ISM2: variants seen among roughly 807,000 people sequenced by gnomAD.
The protein encoded by ISM2 is isthmin-2.
Under a neutral mutation model 58.0 loss-of-function variants are expected in ISM2, and 50 were observed. The observed-to-expected ratio is 0.86, with a 90% CI of 0.69 to 1.09. The LOEUF is 1.09. Ranked by LOEUF, ISM2 falls within the 50% of genes least tolerant of loss-of-function variation. The pLI is 0.00. For synonymous variants in ISM2, 303 were observed against 312.4 expected (o/e 0.97, Z 0.32); for missense variants, 723 against 745.0 (o/e 0.97, Z 0.34).
chr14:77,475,461 C>G lies in ISM2; in HGVS notation c.*134G>C. ...TTCGGGGTCGCTGGCAGAGGGCACA[C>G]AGCCTCGGACCAACCTCACTGGGGG... is the stretch of plus-strand genomic sequence containing the variant. On this transcript the variant is annotated 3_prime_UTR_variant, in exon 7 of 7. Transcript: ENST00000342219. The surrounding 1 kb of genome is among the most constrained non-coding windows in gnomAD (Gnocchi z 4.1). 1 of 913,522 alleles carries G rather than the reference C, an allele frequency of 1.1e-6. No individual in the cohort carries two copies. Among genetic ancestry groups the G allele is most frequent in the South Asian group, 1.8e-5 (1 of 54,526 alleles). 56.6% of individuals were successfully genotyped at this position (913,522 alleles called of 1,614,324 possible). A position where few individuals can be genotyped will look rare whatever the true frequency, so the allele number is the denominator to read the frequency against.
chr14:77,476,005 C>T lies in ISM2; in HGVS notation c.1306G>A (p.Glu436Lys). Residue 436 changes from glutamate (E) to lysine (K), a missense_variant, in exon 7 of 7, where the codon GAG (glutamate) becomes AAG (lysine). Glu to Lys is a moderately conservative substitution (Grantham distance 56). Transcript: ENST00000342219. ...LPSCPCAYPL[E>K]AMDSPVSLQD... Reference sequence around the variant, plus strand: ...AGGCTCACAGGGCTGTCCATGGCCTCCAGTGGGTAGGCACACGGGCAGCTG... The same window carrying T: ...AGGCTCACAGGGCTGTCCATGGCCTTCAGTGGGTAGGCACACGGGCAGCTG... The T allele has an allele frequency of 6.3e-7, 1 of 1,586,104 alleles. No individual in the cohort carries two copies. The highest frequency in any genetic ancestry group is 8.5e-7 in the Non-Finnish European group (1 of 1,170,088).
At chr14:77,485,282 C>G (rs2079161088) in intron 1 of ISM2, among the ~76,000 whole-genome samples, 1 of 152,224 alleles carries the variant, frequency 6.6e-6, no homozygotes, top group Admixed American at 6.5e-5. Flanking sequence ...GACAATGTGC[C>G]TCCCACTCCC....
chr14:77,475,923 T>G lies in ISM2; in HGVS notation c.1388A>C (p.Glu463Ala). ...FRWRDASGPRERLDIYQPTAR... is the reference protein window; with the variant it reads ...FRWRDASGPRARLDIYQPTAR... ...CGTGGGCTGGTAGATGTCCAGGCGCTCGCGAGGGCCACTGGCATCCCTCCA... is the reference window on the plus strand; with the variant it reads ...CGTGGGCTGGTAGATGTCCAGGCGCGCGCGAGGGCCACTGGCATCCCTCCA... Residue 463 changes from glutamate to alanine, a missense_variant, in exon 7 of 7, where the codon GAG (glutamate) becomes GCG (alanine). Physicochemically the swap from Glu to Ala is moderately radical, Grantham distance 107. Transcript: ENST00000342219. This position sits in a 1 kb window ranked among gnomAD's most constrained non-coding sequence, Gnocchi z 4.1. 1 of 1,600,244 alleles carries G rather than the reference T, an allele frequency of 6.2e-7. No individual in the cohort carries two copies. Among genetic ancestry groups the G allele is most frequent in the Middle Eastern group, 1.7e-4 (1 of 6,058 alleles).
At chr14:77,481,200 C>T (rs1268731224) in intron 4 of ISM2, among the ~76,000 whole-genome samples, 2 of 151,904 alleles carry the variant, frequency 1.3e-5, no homozygotes, top group African/African-American at 2.4e-5. Context: ...ATTAGCCAGG[C>T]GTGGTGGTCC....
Position 77,496,353 on chromosome 14 carries a change from T to A in ISM2, c.141+2300A>T, listed in dbSNP as rs142401047. The stretch of plus-strand genomic sequence containing the variant: ...AAAATACAAAATTAGCTGGGTGTGG[T>A]GGCGCATGCCTGTAATCCTAGCTAC... On this transcript the variant is annotated intron_variant, in intron 1 of 6. Transcript: ENST00000342219. Among the ~76,000 whole-genome samples, 48 of 151,978 alleles carry A rather than the reference T, an allele frequency of 3.2e-4. 3 individuals carry two copies. The East Asian group carries it at 9.1e-3, about 29-fold the overall frequency.
intron 1 of ISM2, among the ~76,000 whole-genome samples, chr14:77,486,824 C>T (rs576644958): frequency 2.3e-4 from 35 of 151,146 alleles, no homozygotes; most frequent in African/African-American, 7.3e-4. Context: ...ATTGTCACAG[C>T]TAGAGGAGGT....
intron 1 of ISM2, 96 bp downstream of exon 1, chr14:77,498,553 CTGTG>C (rs1030646608): frequency 5.0e-6 from 7 of 1,393,196 alleles, no homozygotes; most frequent in Non-Finnish European, 6.6e-6. Flanking sequence ...GGGTCGCTGC[CTGTG>C]TGTGTCCCGG....
chr14:77,498,674 C>T lies in ISM2; in HGVS notation c.120G>A (p.Gly40=), dbSNP rs1336411348. The change falls in exon 1 of 7, where the codon GGG becomes GGA. Residue 40 remains glycine (G), a synonymous_variant. Transcript: ENST00000342219. ...TCACCTCTGCGAGCCTCGTGAGGCT[C>T]CCAGGCCGTGGTCCGCGGAGCCGCG... ...KKPRLRGPRP[G]SLTRLAEVSA... is the part of the protein sequence containing the mutation. The T allele has an allele frequency of 2.0e-6, 3 of 1,477,574 alleles. No homozygotes were observed. The highest frequency in any genetic ancestry group is 2.9e-5 in the East Asian group (1 of 34,006). The allele number at this position is 1,477,574 out of a possible 1,614,324, so 91.5% of individuals were successfully genotyped here.
chr14:77,492,515 CCT>C (rs971981373), intron 1 of ISM2, among the ~76,000 whole-genome samples: 12 of 111,318 alleles, frequency 1.1e-4, no homozygotes, highest in South Asian at 7.1e-4. Flanking sequence ...CTGGCCCCAG[CCT>C]TTTTTTTTTT....
At chr14:77,487,243 TTAAA>T (rs35003981) in intron 1 of ISM2, among the ~76,000 whole-genome samples, 48,482 of 143,872 alleles carry the variant, frequency 0.34, 9,535 homozygotes, top group East Asian at 0.77. Flanking sequence ...AGAATCCATC[TTAAA>T]TAAATAAATA....
At position 77,484,314 on chromosome 14, in the gene ISM2, A is replaced by G. The variant is rs2139961905; in HGVS notation, c.627+9T>C. 4.4e-6 allele frequency: 7 copies of G among 1,608,830 alleles called. No homozygotes were observed. In the South Asian group the frequency reaches 5.5e-5, roughly 13 times the overall value. ...TCTGCAGGGCTGCTGGCCCTTCTGT[A>G]GCTCTCACCTGGTTATCAGGGTTAG... On this transcript the variant is annotated intron_variant, in intron 3 of 6. Coordinates refer to ENST00000342219, the MANE Select transcript of ISM2 (RefSeq NM_199296.3).
chr14:77,480,657 A>G (rs2079126642), intron 4 of ISM2, among the ~76,000 whole-genome samples: 1 of 146,702 alleles, frequency 6.8e-6, no homozygotes, highest in African/African-American at 2.5e-5. Flanking sequence ...TCCCAGGCTC[A>G]AGTGATCCTT....
chr14:77,483,645 T>C (rs1055241432), intron 3 of ISM2, among the ~76,000 whole-genome samples: 1 of 150,656 alleles, frequency 6.6e-6, no homozygotes, highest in African/African-American at 2.4e-5. Flanking sequence ...CGTGTGTGCG[T>C]GTGTGTGTGT....
chr14:77,482,445 C>A lies in ISM2; in HGVS notation c.850G>T (p.Asp284Tyr). The A allele has an allele frequency of 6.2e-7, 1 of 1,614,178 alleles. No individual in the cohort carries two copies. Among genetic ancestry groups the A allele is most frequent in the Non-Finnish European group, 8.5e-7 (1 of 1,180,006 alleles). ...DYPSEDIEGEDQEDKEEDEEE... is the reference protein window; with the variant it reads ...DYPSEDIEGEYQEDKEEDEEE... ...TCATCTTCCTCTTTGTCCTCTTGATCCTCACCCTCGATATCCTCTGAAGGA... is the reference window on the plus strand; with the variant it reads ...TCATCTTCCTCTTTGTCCTCTTGATACTCACCCTCGATATCCTCTGAAGGA... The change falls in exon 4 of 7, where the codon GAT becomes TAT. Residue 284 changes from aspartate (D) to tyrosine (Y), a missense_variant. Coordinates refer to ENST00000342219, the MANE Select transcript of ISM2 (RefSeq NM_199296.3).
intron 1 of ISM2, among the ~76,000 whole-genome samples, chr14:77,494,073 G>A (rs376776789): frequency 1.4e-4 from 22 of 152,082 alleles, no homozygotes; most frequent in African/African-American, 4.6e-4. Context: ...CACCGTTCCC[G>A]GCCCTGTGAT....
rs1036719610 is a variant in ISM2, at chr14:77,498,583, G to C, written c.141+70C>G. On this transcript the variant is annotated intron_variant, in intron 1 of 6. Transcript: ENST00000342219. ...TGTGTCCCGGTCCCGCTCCCCGCAC[G>C]GCTGGAGCCGGCGGGCTGGGGAGGT... The C allele has an allele frequency of 2.9e-6, 4 of 1,390,788 alleles. No homozygotes were observed. In the South Asian group the frequency reaches 4.6e-5, roughly 16 times the overall value. The allele number at this position is 1,390,788 out of a possible 1,614,324, so 86.2% of individuals were successfully genotyped here.
intron 1 of ISM2, among the ~76,000 whole-genome samples, chr14:77,497,805 A>G (rs191468581): frequency 7.0e-6 from 1 of 142,024 alleles, no homozygotes; most frequent in Non-Finnish European, 1.5e-5. Context: ...GAAGGAAGGA[A>G]GGAAGGAAGG....
chr14:77,478,655 C>G lies in ISM2; in HGVS notation c.1034G>C (p.Gly345Ala), dbSNP rs746571979. The stretch of plus-strand genomic sequence containing the variant: ...ACAGGGCCGAGTCCTCTGCTGCTTG[C>G]CAGTGCTGCAGTTCCCACTGCAGGG... ...WSPCSGNCST[G>A]KQQRTRPCGY... Residue 345 changes from glycine (G) to alanine (A), a missense_variant, in exon 5 of 7, where the codon GGC (glycine) becomes GCC (alanine). Physicochemically the swap from Gly to Ala is moderately conservative, Grantham distance 60 (BLOSUM62 0). Coordinates refer to ENST00000342219, the MANE Select transcript of ISM2 (RefSeq NM_199296.3). 4.2e-5 allele frequency: 68 copies of G among 1,613,796 alleles called. No individual in the cohort carries two copies. Among genetic ancestry groups the G allele is most frequent in the Non-Finnish European group, 5.7e-5 (67 of 1,179,848 alleles).
chr14:77,482,567 G>C lies in ISM2; in HGVS notation c.728C>G (p.Pro243Arg). Residue 243 changes from proline (P) to arginine (R), a missense_variant, in exon 4 of 7, where the codon CCC (proline) becomes CGC (arginine). By Grantham distance (103) the Pro-to-Arg change is moderately radical. Transcript: ENST00000342219. ...PPPQDTLSWLPALWSFLWGDY... is the reference protein window; with the variant it reads ...PPPQDTLSWLRALWSFLWGDY... ...TCCCCAGAGGAAGGACCAGAGGGCGGGCAGCCAGCTAAGGGTATCCTGGGG... is the reference window on the plus strand; with the variant it reads ...TCCCCAGAGGAAGGACCAGAGGGCGCGCAGCCAGCTAAGGGTATCCTGGGG... 1 of 1,613,922 alleles carries C rather than the reference G, an allele frequency of 6.2e-7. No homozygotes were observed. The highest frequency in any genetic ancestry group is 8.5e-7 in the Non-Finnish European group (1 of 1,179,902).
Sources: allele counts gnomAD v4.1 joint callset (sites outside exome capture counted in the v4.1 genomes callset), GRCh38; gene constraint gnomAD v4.1.1; non-coding constraint Gnocchi (gnomAD v3.1); transcripts MANE v1.5; gene names NCBI Gene and HGNC (gene_info 2026-07-23, HGNC 2026-07-21).